Variants in PELI1 observed in about 807,000 individuals in gnomAD.
The protein encoded by PELI1 is E3 ubiquitin-protein ligase pellino homolog 1.
PELI1 carries 15 observed loss-of-function variants against 41.3 expected under a neutral mutation model. That is an observed-to-expected ratio of 0.36 (90% CI 0.24 to 0.56). PELI1 has a LOEUF of 0.56. PELI1 is among the 20% of genes least tolerant of loss of function. The probability of loss-of-function intolerance (pLI) is 0.82; values close to 1 mark genes in which losing one functional copy is unlikely to be tolerated. For synonymous variants in PELI1, 178 were observed against 180.1 expected (o/e 0.99, Z 0.09); for missense variants, 403 against 525.5 (o/e 0.77, Z 2.28).
intron 1 of PELI1, among the ~76,000 whole-genome samples, chr2:64,126,862 G>T (rs1330251374): frequency 1.3e-5 from 2 of 152,004 alleles, no homozygotes; most frequent in East Asian, 3.8e-4. Flanking sequence ...AAAAAGACAA[G>T]GGGTAAAAAG....
At chr2:64,107,093 T>C (rs1680646682) in intron 2 of PELI1, among the ~76,000 whole-genome samples, 1 of 151,780 alleles carries the variant, frequency 6.6e-6, no homozygotes, top group African/African-American at 2.4e-5. Flanking sequence ...CATGCCCAGC[T>C]AATTTTTGTA....
chr2:64,119,721 A>G (rs1043412327), intron 1 of PELI1, among the ~76,000 whole-genome samples: 1 of 152,244 alleles, frequency 6.6e-6, no homozygotes, highest in African/African-American at 2.4e-5. Context: ...ATCAAGTTAT[A>G]GAGTAAGGTA....
chr2:64,127,959 A>T (rs940727001), intron 1 of PELI1, among the ~76,000 whole-genome samples: 2 of 152,178 alleles, frequency 1.3e-5, no homozygotes, highest in African/African-American at 2.4e-5. Context: ...CATATAATTT[A>T]GTCTAAGTCC....
intron 1 of PELI1, among the ~76,000 whole-genome samples, chr2:64,131,619 C>T (rs1681560096): frequency 1.4e-5 from 2 of 144,370 alleles, no homozygotes. Flanking sequence ...TAATCTCTCT[C>T]TTTTTTTTTT....
At chr2:64,136,684 C>T (rs1441545078) in intron 1 of PELI1, among the ~76,000 whole-genome samples, 1 of 152,146 alleles carries the variant, frequency 6.6e-6, no homozygotes, top group African/African-American at 2.4e-5. Flanking sequence ...GGCAGTGGAT[C>T]ACGAGGTCAG....
rs10496105 is a variant in PELI1, at chr2:64,093,612, G to A, written c.*1090C>T. ...AAGTCTCACTGTGGCAATCTCCTTA[G>A]GATTCAAACCCAGAGTTAAGGCTGG... On this transcript the variant is annotated 3_prime_UTR_variant, in exon 7 of 7. Transcript: ENST00000358912. 16,364 of 152,624 alleles carry A rather than the reference G, an allele frequency of 0.11. 971 individuals are homozygous for A. Among genetic ancestry groups the A allele is most frequent in the South Asian group, 0.16 (778 of 4,818 alleles). The allele number at this position is 152,624 out of a possible 1,614,324, so 9.5% of individuals were successfully genotyped here.
chr2:64,113,991 A>G (rs1680907226), intron 1 of PELI1, among the ~76,000 whole-genome samples: 1 of 152,216 alleles, frequency 6.6e-6, no homozygotes, highest in African/African-American at 2.4e-5. Flanking sequence ...AAAGCAAAAC[A>G]AATACTAAGC....
intron 1 of PELI1, among the ~76,000 whole-genome samples, chr2:64,109,181 G>A (rs1680721934): frequency 6.6e-6 from 1 of 152,158 alleles, no homozygotes; most frequent in Non-Finnish European, 1.5e-5. Context: ...TCTTCCTGAG[G>A]CATCAGTAGA....
intron 1 of PELI1, among the ~76,000 whole-genome samples, chr2:64,109,156 T>A (rs1364746605): frequency 6.6e-6 from 1 of 151,906 alleles, no homozygotes; most frequent in African/African-American, 2.4e-5. Flanking sequence ...CACCCAGCAA[T>A]AACAAGAAGG....
chr2:64,108,497 C>T, intron 1 of PELI1, 118 bp from the exon 2 acceptor site: 1 of 494,942 alleles, frequency 2.0e-6, no homozygotes, highest in Non-Finnish European at 3.6e-6. Context: ...AAGGTATATA[C>T]ATTTTATGGG....
Position 64,104,804 on chromosome 2 carries a change from T to C in PELI1, c.98A>G (p.Asp33Gly). Residue 33 changes from aspartate to glycine, a missense_variant, in exon 3 of 7, where the codon GAT (aspartate) becomes GGT (glycine). Transcript: ENST00000358912. ...LGYNGSLPNG[D>G]RGRRKSRFAL... ...AAACCTACTTTTCCTCCTTCCTCTA[T>C]CGCCATTTGGGAGAGACCCATTATA... is the stretch of plus-strand genomic sequence containing the variant. The C allele has an allele frequency of 6.8e-6, 11 of 1,613,424 alleles. No homozygotes were observed. The highest frequency in any genetic ancestry group is 8.5e-6 in the Non-Finnish European group (10 of 1,179,682).
At chr2:64,118,653 C>T (rs143364593) in intron 1 of PELI1, among the ~76,000 whole-genome samples, 320 of 152,254 alleles carry the variant, frequency 2.1e-3, no homozygotes, top group African/African-American at 7.3e-3. Flanking sequence ...AGAGGAAGAA[C>T]AAACAGAATA....
In PELI1 at chr2:64,096,586, T is replaced by C. The variant is rs1680245714; in HGVS notation, c.328A>G (p.Ile110Val). Reference protein sequence around the residue: ...FQIGRSTESPIDFVVTDTVPG... With the variant: ...FQIGRSTESPVDFVVTDTVPG... ...ACCGTGTCAGTTACTACAAAATCAATGGGGCTTTCAGTCGACCGGCCAATC... is the reference window on the plus strand; with the variant it reads ...ACCGTGTCAGTTACTACAAAATCAACGGGGCTTTCAGTCGACCGGCCAATC... Residue 110 changes from isoleucine to valine, a missense_variant, in exon 5 of 7, where the codon ATT becomes GTT. Coordinates refer to ENST00000358912, the MANE Select transcript of PELI1 (RefSeq NM_020651.4). 1 of 1,611,396 alleles carries C rather than the reference T, an allele frequency of 6.2e-7. No homozygotes were observed. The highest frequency in any genetic ancestry group is 2.2e-5 in the East Asian group (1 of 44,836).
intron 1 of PELI1, among the ~76,000 whole-genome samples, chr2:64,123,766 T>C (rs1156394953): frequency 1.3e-5 from 2 of 152,200 alleles, no homozygotes; most frequent in Non-Finnish European, 2.9e-5. Context: ...TAAGTTCTCA[T>C]GTGACTCAGG....
chr2:64,143,746 TCTC>T (rs1385676389), intron 1 of PELI1, among the ~76,000 whole-genome samples: 1 of 151,916 alleles, frequency 6.6e-6, no homozygotes, highest in African/African-American at 2.4e-5. Context: ...CCCATTTCCC[TCTC>T]CTCCCCGCCA....
chr2:64,141,757 C>A (rs145167663), intron 1 of PELI1, among the ~76,000 whole-genome samples: 2 of 152,324 alleles, frequency 1.3e-5, no homozygotes, highest in East Asian at 3.9e-4. Context: ...TTTGGCAGTA[C>A]TAGACTAACT....
chr2:64,102,410 G>C (rs897324013), intron 3 of PELI1, among the ~76,000 whole-genome samples: 1 of 152,092 alleles, frequency 6.6e-6, no homozygotes, highest in Non-Finnish European at 1.5e-5. Context: ...GGCAGAGGCT[G>C]AAGTGCAGTG....
Position 64,092,867 on chromosome 2 carries a change from G to A in PELI1, c.*1835C>T, listed in dbSNP as rs1309171970. ...AGAGACGAATTCAATTATGTATTTT[G>A]AAAAGTATTTACTTAGTTTAAATAA... is the stretch of plus-strand genomic sequence containing the variant. On this transcript the variant is annotated 3_prime_UTR_variant, in exon 7 of 7. Coordinates refer to ENST00000358912, the MANE Select transcript of PELI1 (RefSeq NM_020651.4). 1 of 152,120 alleles carries A rather than the reference G, an allele frequency of 6.6e-6. No individual in the cohort carries two copies. Among genetic ancestry groups the A allele is most frequent in the Non-Finnish European group, 1.5e-5 (1 of 68,030 alleles). 9.4% of individuals were successfully genotyped at this position (152,120 alleles called of 1,614,324 possible). A position where few individuals can be genotyped will look rare whatever the true frequency, so the allele number is the denominator to read the frequency against.
chr2:64,098,275 C>G (rs569681817), intron 4 of PELI1, among the ~76,000 whole-genome samples: 9 of 152,296 alleles, frequency 5.9e-5, no homozygotes, highest in African/African-American at 2.2e-4. Context: ...CTCCCTTACC[C>G]TCATGAGAAA....
Sources: allele counts gnomAD v4.1 joint callset (sites outside exome capture counted in the v4.1 genomes callset), GRCh38; gene constraint gnomAD v4.1.1; transcripts MANE v1.5; gene names NCBI Gene and HGNC (gene_info 2026-07-23, HGNC 2026-07-21).